Variants in EVC2 observed in about 807,000 individuals in gnomAD.
EVC2 encodes EvC ciliary complex subunit 2.
Under a neutral mutation model 149.3 loss-of-function variants are expected in EVC2, and 148 were observed. That is an observed-to-expected ratio of 0.99 (90% CI 0.87 to 1.14). The LOEUF (loss-of-function observed/expected upper bound fraction) is 1.14. EVC2 is among the 50% of genes most tolerant of loss of function. EVC2 has a pLI of 0.00. For missense variants in EVC2, 1,854 were observed against 1,627.3 expected (o/e 1.14, Z -2.40); for synonymous variants, 776 against 649.9 (o/e 1.19, Z -2.95).
In EVC2 at chr4:5,622,898, T is replaced by C. The variant is rs1218391629; in HGVS notation, c.2140A>G (p.Met714Val). The change falls in exon 14 of 22, where the codon ATG becomes GTG. Residue 714 changes from methionine to valine, a missense_variant. By Grantham distance (21) the Met-to-Val change is conservative. Coordinates refer to ENST00000344408, the MANE Select transcript of EVC2 (RefSeq NM_147127.5). The surrounding 1 kb of genome is among the most constrained non-coding windows in gnomAD (Gnocchi z 5.8). ...GQYLHQKRSLMEEHGATLEEL... is the reference protein window; with the variant it reads ...GQYLHQKRSLVEEHGATLEEL... ...TCCAGGGTGGCACCGTGCTCCTCCA[T>C]CAGGCTCCTCTTCTGGTGCAGGTAC... is the stretch of plus-strand genomic sequence containing the variant. 6.2e-7 allele frequency: 1 copy of C among 1,614,028 alleles called. No individual in the cohort carries two copies. The highest frequency in any genetic ancestry group is 8.5e-7 in the Non-Finnish European group (1 of 1,180,040).
intron 16 of EVC2, among the ~76,000 whole-genome samples, chr4:5,594,363 T>A (rs1346975763): frequency 2.0e-5 from 3 of 152,122 alleles, no homozygotes; most frequent in Non-Finnish European, 4.4e-5. Flanking sequence ...CGGGTACTCC[T>A]CTGAGACAAA....
At chr4:5,553,562 G>T (rs938318564) in intron 21 of EVC2, among the ~76,000 whole-genome samples, 3 of 152,150 alleles carry the variant, frequency 2.0e-5, no homozygotes, top group Non-Finnish European at 4.4e-5. Context: ...AGGTAGGCAG[G>T]AACATGAAGT....
rs1400053891 is a variant in EVC2, at chr4:5,569,193, G to A, written c.3361-553C>T. Among the ~76,000 whole-genome samples, 1 of 152,236 alleles carries A rather than the reference G, an allele frequency of 6.6e-6. No individual in the cohort carries two copies. The highest frequency in any genetic ancestry group is 2.1e-4 in the South Asian group (1 of 4,832). On this transcript the variant is annotated intron_variant, in intron 19 of 21. Coordinates refer to ENST00000344408, the MANE Select transcript of EVC2 (RefSeq NM_147127.5). This position sits in a 1 kb window ranked among gnomAD's most constrained non-coding sequence, Gnocchi z 4.8. ...TCCATGCATGTAACCACCTGGGCGT[G>A]ATGAGACTTGGAACTGGAGAGCGGC...
rs1045401420 is a variant in EVC2, at chr4:5,613,455, G to A, written c.2829+1967C>T. 1.1e-4 allele frequency among the ~76,000 whole-genome samples: 16 copies of A among 152,216 alleles called. No homozygotes were observed. The highest frequency in any genetic ancestry group is 4.1e-4 in the South Asian group (2 of 4,820). The stretch of plus-strand genomic sequence containing the variant: ...TCAGGGAAATGCTCCCTCTACCCCC[G>A]AGTATGGCTACTTCCTCCCTGTGCC... On this transcript the variant is annotated intron_variant, in intron 16 of 21. Transcript: ENST00000344408. The surrounding 1 kb of genome is among the most constrained non-coding windows in gnomAD (Gnocchi z 4.6).
chr4:5,709,461 C>T (rs891540258), upstream of EVC2: 1 of 152,370 alleles, frequency 6.6e-6, no homozygotes, highest in African/African-American at 2.4e-5. Flanking sequence ...GGCAGCCTCT[C>T]TCCCCATAAC....
chr4:5,669,053 G>T (rs1180591959), intron 7 of EVC2, among the ~76,000 whole-genome samples: 1 of 152,194 alleles, frequency 6.6e-6, no homozygotes, highest in South Asian at 2.1e-4. Flanking sequence ...GAGTGATGCA[G>T]CTATAAGCCA....
At chr4:5,565,237 T>C in intron 21 of EVC2, 21 bp downstream of exon 21, 2 of 1,610,062 alleles carry the variant, frequency 1.2e-6, no homozygotes, top group African/African-American at 1.3e-5. Context: ...CCCAGCCACA[T>C]GAGCAGGTGC....
chr4:5,658,101 G>A (rs1418606801), intron 9 of EVC2, among the ~76,000 whole-genome samples: 1 of 152,154 alleles, frequency 6.6e-6, no homozygotes, highest in Non-Finnish European at 1.5e-5. Flanking sequence ...GCACAGGGTT[G>A]TGTTTGCTTG....
intron 21 of EVC2, among the ~76,000 whole-genome samples, chr4:5,544,974 C>T (rs1721584746): frequency 6.6e-6 from 1 of 152,222 alleles, no homozygotes; most frequent in East Asian, 1.9e-4. Flanking sequence ...CAAGCCTGAG[C>T]ACATGCTGTT....
intron 7 of EVC2, 23 bp from the exon 8 acceptor site, chr4:5,665,672 G>A (rs1719228775): frequency 1.9e-6 from 3 of 1,613,302 alleles, no homozygotes; most frequent in African/African-American, 2.7e-5. Flanking sequence ...GAGGAGAGCA[G>A]GATTCATGTG....
chr4:5,565,198 G>T, intron 21 of EVC2, 60 bp downstream of exon 21: 1 of 1,539,868 alleles, frequency 6.5e-7, no homozygotes, highest in South Asian at 1.1e-5. Context: ...TCCCCAGCCT[G>T]GCCCACAGGC....
At chr4:5,564,070 T>C (rs1367413736) in intron 21 of EVC2, among the ~76,000 whole-genome samples, 1 of 151,858 alleles carries the variant, frequency 6.6e-6, no homozygotes, top group Non-Finnish European at 1.5e-5. Context: ...GCCATGTCAC[T>C]GGGGATGCAC....
chr4:5,677,349 C>A lies in EVC2; in HGVS notation c.870+3911G>T, dbSNP rs1385608813. Among the ~76,000 whole-genome samples the A allele has an allele frequency of 1.3e-5, 2 of 152,180 alleles. No homozygotes were observed. Among genetic ancestry groups the A allele is most frequent in the African/African-American group, 4.8e-5 (2 of 41,448 alleles). On this transcript the variant is annotated intron_variant, in intron 7 of 21. Coordinates refer to ENST00000344408, the MANE Select transcript of EVC2 (RefSeq NM_147127.5). The surrounding 1 kb of genome is among the most constrained non-coding windows in gnomAD (Gnocchi z 4.3). ...AAGAGTCAGCTGGGCCCACACAACA[C>A]CATAGGGCCATCCTGTGCATACACC...
intron 9 of EVC2, among the ~76,000 whole-genome samples, chr4:5,654,740 C>T (rs1173595466): frequency 2.0e-5 from 3 of 152,196 alleles, no homozygotes; most frequent in Admixed American, 1.3e-4. Context: ...TGTAAGGACA[C>T]ACTTCCAGGC....
intron 7 of EVC2, among the ~76,000 whole-genome samples, chr4:5,672,632 A>C (rs1455272671): frequency 6.6e-6 from 1 of 152,174 alleles, no homozygotes; most frequent in Non-Finnish European, 1.5e-5. Context: ...AATAGGTTAA[A>C]AATAGAATTA....
In EVC2 at chr4:5,631,803, G is replaced by A. The variant is rs775103557; in HGVS notation, c.1700C>T (p.Ser567Phe). 7.5e-5 allele frequency: 121 copies of A among 1,613,886 alleles called. 2 individuals carry two copies. The South Asian group carries it at 1.3e-3, about 18-fold the overall frequency. The stretch of plus-strand genomic sequence containing the variant: ...AGGCTGATGTATTACCTGTATTTTA[G>A]AATAATTTTGCAGCAGCATTTTAGC... ...EAAKMLLQNYSKIQENVEELM... is the reference protein window; with the variant it reads ...EAAKMLLQNYFKIQENVEELM... The change falls in exon 11 of 22, where the codon TCT (serine) becomes TTT (phenylalanine). Residue 567 changes from serine (S) to phenylalanine (F), a missense_variant. Transcript: ENST00000344408.
chr4:5,595,219 G>T (rs192767762), intron 16 of EVC2, among the ~76,000 whole-genome samples: 1 of 152,130 alleles, frequency 6.6e-6, no homozygotes, highest in South Asian at 2.1e-4. Context: ...TACAGAGAAT[G>T]CCACAAAGAT....
At chr4:5,629,954 T>C (rs1716408185) in intron 11 of EVC2, among the ~76,000 whole-genome samples, 1 of 152,238 alleles carries the variant, frequency 6.6e-6, no homozygotes, top group Non-Finnish European at 1.5e-5. Context: ...TCTGGCATAA[T>C]ATCATTCACA....
intron 3 of EVC2, 125 bp downstream of exon 3, chr4:5,694,210 T>C: frequency 1.1e-6 from 1 of 937,312 alleles, no homozygotes; most frequent in Non-Finnish European, 1.7e-6. Context: ...ATAACTATAT[T>C]TAGTGAAAGA....
Sources: allele counts gnomAD v4.1 joint callset (sites outside exome capture counted in the v4.1 genomes callset), GRCh38; gene constraint gnomAD v4.1.1; non-coding constraint Gnocchi (gnomAD v3.1); transcripts MANE v1.5; gene names NCBI Gene and HGNC (gene_info 2026-07-23, HGNC 2026-07-21).